Variants in MATR3 observed in about 807,000 individuals in gnomAD.
The protein encoded by MATR3 is matrin-3.
MATR3 carries 4 observed loss-of-function variants against 85.5 expected under a neutral mutation model. That is an observed-to-expected ratio of 0.05 (90% CI 0.02 to 0.11). The LOEUF is 0.11. Ranked by LOEUF, MATR3 falls within the 10% of genes least tolerant of loss-of-function variation. The probability of loss-of-function intolerance (pLI) is 1.00; values close to 1 mark genes in which losing one functional copy is unlikely to be tolerated. For synonymous variants in MATR3, 336 were observed against 343.1 expected (o/e 0.98, Z 0.23); for missense variants, 685 against 1,016.1 (o/e 0.67, Z 4.43).
chr5:139,322,529 A>G (rs749654541), intron 11 of MATR3, 23 bp downstream of exon 11: 21 of 1,569,646 alleles, frequency 1.3e-5, no homozygotes, highest in Non-Finnish European at 1.7e-5. Context: ...TGTTTTTCAT[A>G]TGTGTGAGTA....
rs1173320167 is a variant in MATR3, at chr5:139,331,547, CT to C, written c.*2157del. ...CAGCCCTTCGATTACGAGAAAACCT[CT>C]TTTTAGTAGGAATGTTTCCACTCAT... On this transcript the variant is annotated 3_prime_UTR_variant, in exon 15 of 15. Coordinates refer to ENST00000394805, the MANE Select transcript of MATR3 (RefSeq NM_018834.6). 1 of 454,130 alleles carries C rather than the reference CT, an allele frequency of 2.2e-6. No individual in the cohort carries two copies. The highest frequency in any genetic ancestry group is 2.3e-5 in the Admixed American group (1 of 42,566). 28.1% of individuals were successfully genotyped at this position (454,130 alleles called of 1,614,324 possible).
chr5:139,299,420 C>T (rs1241569356), intron 1 of MATR3, among the ~76,000 whole-genome samples: 1 of 152,134 alleles, frequency 6.6e-6, no homozygotes, highest in Non-Finnish European at 1.5e-5. Flanking sequence ...ATGTCTATAA[C>T]CTCAGCACTT....
At position 139,308,273 on chromosome 5, in the gene MATR3, G is replaced by C; in HGVS notation, c.858G>C (p.Pro286=). 1 of 1,614,080 alleles carries C rather than the reference G, an allele frequency of 6.2e-7. No homozygotes were observed. ...SNIEDFHGLL[P]KGYPHLCSIC... ...TTGAAGACTTCCATGGACTCTTACC[G>C]AAGGGTTATCCCCATCTGTGCTCTA... is the stretch of plus-strand genomic sequence containing the variant. Residue 286 remains proline (P), a synonymous_variant, in exon 2 of 15, where the codon CCG becomes CCC. Coordinates refer to ENST00000394805, the MANE Select transcript of MATR3 (RefSeq NM_018834.6).
intron 3 of MATR3, 54 bp from the exon 4 acceptor site, chr5:139,315,643 G>A: frequency 1.6e-6 from 2 of 1,232,758 alleles, no homozygotes; most frequent in East Asian, 4.7e-5. Flanking sequence ...AAACAAGGCT[G>A]TTTTGTGAAA....
At chr5:139,275,430 CCCT>C (rs1287827447) in intron 1 of MATR3, among the ~76,000 whole-genome samples, 1 of 151,978 alleles carries the variant, frequency 6.6e-6, no homozygotes, top group African/African-American at 2.4e-5. Flanking sequence ...GTATTGGAGG[CCCT>C]CCTCTATCCA....
chr5:139,307,152 A>G lies in MATR3; in HGVS notation c.-177-87A>G. The G allele has an allele frequency of 1.0e-6, 1 of 954,362 alleles. No individual in the cohort carries two copies. Among genetic ancestry groups the G allele is most frequent in the Non-Finnish European group, 1.3e-6 (1 of 760,686 alleles). The allele number at this position is 954,362 out of a possible 1,614,324, so 59.1% of individuals were successfully genotyped here. On this transcript the variant is annotated intron_variant, in intron 1 of 14. Transcript: ENST00000394805. The surrounding 1 kb of genome is among the most constrained non-coding windows in gnomAD (Gnocchi z 4.4). ...GAGATCTTAAATGTTTTTTTTTTAAATCAACATGATGCATAAGTTTTTTTT... is the reference window on the plus strand; with the variant it reads ...GAGATCTTAAATGTTTTTTTTTTAAGTCAACATGATGCATAAGTTTTTTTT...
intron 3 of MATR3, among the ~76,000 whole-genome samples, chr5:139,281,388 G>A (rs58675832): frequency 6.6e-4 from 96 of 144,812 alleles, no homozygotes; most frequent in Non-Finnish European, 1.1e-3. Flanking sequence ...TGTTGCCCAG[G>A]CTGGAGTGCA....
chr5:139,322,710 T>C lies in MATR3; in HGVS notation c.1891T>C (p.Ser631Pro). 6.2e-7 allele frequency: 1 copy of C among 1,614,054 alleles called. No individual in the cohort carries two copies. The highest frequency in any genetic ancestry group is 8.5e-7 in the Non-Finnish European group (1 of 1,179,996). ...CGAAGGTAAAGAACAAGAAGAGAAGTCCGGTGAAGATGGTGAGAAAGACAC... is the reference window on the plus strand; with the variant it reads ...CGAAGGTAAAGAACAAGAAGAGAAGCCCGGTGAAGATGGTGAGAAAGACAC... ...STEGKEQEEK[S>P]GEDGEKDTKD... The change falls in exon 12 of 15, where the codon TCC (serine) becomes CCC (proline). Residue 631 changes from serine to proline, a missense_variant. Transcript: ENST00000394805.
At chr5:139,284,813 G>A (rs1753650979) in intron 3 of MATR3, among the ~76,000 whole-genome samples, 1 of 152,100 alleles carries the variant, frequency 6.6e-6, no homozygotes, top group Non-Finnish European at 1.5e-5. Flanking sequence ...AAGTAGCTGC[G>A]AGGATATAAC....
intron 1 of MATR3, among the ~76,000 whole-genome samples, chr5:139,305,582 A>G (rs1291083881): frequency 1.2e-4 from 19 of 152,172 alleles, no homozygotes; most frequent in Non-Finnish European, 1.5e-5. Context: ...TTTACATAGC[A>G]TCTCAGCCGC....
chr5:139,286,120 ACTCC>A (rs1753694537), intron 3 of MATR3, among the ~76,000 whole-genome samples: 1 of 152,092 alleles, frequency 6.6e-6, no homozygotes. Flanking sequence ...CTTTTCAAAA[ACTCC>A]TTTGTAAGAC....
chr5:139,308,855 C>T (rs1754832355), intron 2 of MATR3, among the ~76,000 whole-genome samples: 2 of 152,120 alleles, frequency 1.3e-5, no homozygotes, highest in African/African-American at 4.8e-5. Flanking sequence ...GTTCATTCTT[C>T]CTTTTTTAAT....
chr5:139,290,438 CTTTTTTTTTTTTTTT>C (rs762364450), upstream of MATR3, among the ~76,000 whole-genome samples: 1 of 44,968 alleles, frequency 2.2e-5, no homozygotes, highest in East Asian at 9.8e-4. Context: ...CCTGGCCGCT[CTTTTTTTTTTTTTTT>C]TTTTTTTTTT....
chr5:139,314,754 C>CT lies in MATR3; in HGVS notation c.974+21dup, dbSNP rs755893135. On this transcript the variant is annotated intron_variant, in intron 3 of 14. Coordinates refer to ENST00000394805, the MANE Select transcript of MATR3 (RefSeq NM_018834.6). ...CTTGAAATGTAGGAGTTTGAAATAC[C>CT]TTTAAAACATCCTTATCGTGAATCA... 4 of 1,607,306 alleles carry CT rather than the reference C, an allele frequency of 2.5e-6. No individual in the cohort carries two copies. In the South Asian group the frequency reaches 4.4e-5, roughly 18 times the overall value.
intron 1 of MATR3, among the ~76,000 whole-genome samples, chr5:139,304,011 A>T (rs1481556030): frequency 6.6e-6 from 1 of 152,198 alleles, no homozygotes; most frequent in Non-Finnish European, 1.5e-5. Flanking sequence ...AATAACAAAA[A>T]TCAGATTCTC....
intron 3 of MATR3, chr5:139,279,800 CCAAG>C (rs1196172122): frequency 1.3e-5 from 2 of 152,258 alleles, no homozygotes; most frequent in Non-Finnish European, 2.9e-5. Flanking sequence ...CCGCGCCCAG[CCAAG>C]TATCAGAATT....
chr5:139,287,163 A>ATG, intron 3 of MATR3, among the ~76,000 whole-genome samples: 1 of 152,360 alleles, frequency 6.6e-6, no homozygotes, highest in Admixed American at 6.5e-5. Context: ...TTCAAGAAAA[A>ATG]TGTCATTGAT....
intron 1 of MATR3, among the ~76,000 whole-genome samples, chr5:139,301,953 T>C (rs914408024): frequency 6.6e-6 from 1 of 152,214 alleles, no homozygotes; most frequent in Non-Finnish European, 1.5e-5. Flanking sequence ...TGTCATTCAT[T>C]AGCCTAAGGA....
intron 14 of MATR3, 117 bp downstream of exon 14, chr5:139,326,401 C>T: frequency 3.3e-6 from 3 of 896,798 alleles, no homozygotes; most frequent in Non-Finnish European, 1.7e-6. Flanking sequence ...GTGCTTTCTC[C>T]TGAAGATAAC....
Sources: allele counts gnomAD v4.1 joint callset (sites outside exome capture counted in the v4.1 genomes callset), GRCh38; gene constraint gnomAD v4.1.1; non-coding constraint Gnocchi (gnomAD v3.1); transcripts MANE v1.5; gene names NCBI Gene and HGNC (gene_info 2026-07-23, HGNC 2026-07-21).